ALX3: variants seen among roughly 807,000 people sequenced by gnomAD.
ALX3 encodes the protein homeobox protein aristaless-like 3.
Under a neutral mutation model 26.3 loss-of-function variants are expected in ALX3, and 17 were observed. That is an observed-to-expected ratio of 0.65 (90% confidence interval 0.44 to 0.97). The LOEUF is 0.97. Ranked by LOEUF, ALX3 falls within the 50% of genes least tolerant of loss-of-function variation. ALX3 has a pLI of 0.00. For synonymous variants in ALX3, 208 were observed against 201.4 expected (o/e 1.03, Z -0.28); for missense variants, 461 against 466.5 (o/e 0.99, Z 0.11).
rs894860537 is a variant in ALX3, at chr1:110,060,532, G to C, written c.*201C>G. The C allele has an allele frequency of 6.2e-6, 3 of 482,644 alleles. No homozygotes were observed. The Admixed American group carries it at 1.1e-4, about 18-fold the overall frequency. The allele number at this position is 482,644 out of a possible 1,614,324, so 29.9% of individuals were successfully genotyped here. A position where few individuals can be genotyped will look rare whatever the true frequency, so the allele number is the denominator to read the frequency against. ...GTTTGTGGTAGGAAGAGTCCTGGCT[G>C]CTTCGAAGCCCCTTCTCCTAGGCAG... is the stretch of plus-strand genomic sequence containing the variant. On this transcript the variant is annotated 3_prime_UTR_variant, in exon 4 of 4. Coordinates refer to ENST00000647563, the MANE Select transcript of ALX3 (RefSeq NM_006492.3).
chr1:110,070,282 A>G lies in ALX3; in HGVS notation c.277+54T>C, dbSNP rs990819763. The G allele has an allele frequency of 4.7e-6, 6 of 1,286,790 alleles. No individual in the cohort carries two copies. The African/African-American group carries it at 6.1e-5, about 13-fold the overall frequency. The allele number at this position is 1,286,790 out of a possible 1,614,324, so 79.7% of individuals were successfully genotyped here. The stretch of plus-strand genomic sequence containing the variant: ...CAGGAAGGCCCGGGTGGGCCCGGGT[A>G]AGGAAGAAGAAGAGAGGGTCGGGCT... On this transcript the variant is annotated intron_variant, in intron 1 of 3. Coordinates refer to ENST00000647563, the MANE Select transcript of ALX3 (RefSeq NM_006492.3).
chr1:110,062,899 C>A (rs1653689629), intron 2 of ALX3, among the ~76,000 whole-genome samples: 1 of 152,338 alleles, frequency 6.6e-6, no homozygotes, highest in Non-Finnish European at 1.5e-5. Context: ...GCCAGTGAAT[C>A]TGGCTATTGG....
At chr1:110,068,648 T>C (rs1397438808) in intron 1 of ALX3, among the ~76,000 whole-genome samples, 1 of 152,254 alleles carries the variant, frequency 6.6e-6, no homozygotes, top group East Asian at 1.9e-4. Context: ...CCCCCTTCTC[T>C]AGTTATCCGT....
Position 110,064,941 on chromosome 1 carries a change from A to AC in ALX3, c.278-39dup, listed in dbSNP as rs1054124231. 9 of 1,556,292 alleles carry AC rather than the reference A, an allele frequency of 5.8e-6. No homozygotes were observed. In the South Asian group the frequency reaches 1.1e-4, roughly 19 times the overall value. ...ACACAAAAGGGAGGATGGCAACTGA[A>AC]CCAGGGGCTTTTGTGGGTTGGAATG... On this transcript the variant is annotated intron_variant, in intron 1 of 3. Transcript: ENST00000647563.
intron 1 of ALX3, among the ~76,000 whole-genome samples, chr1:110,066,724 C>A (rs935305574): frequency 3.9e-5 from 6 of 152,076 alleles, no homozygotes; most frequent in African/African-American, 1.4e-4. Context: ...TAGCTCAGGG[C>A]TGAGGGTCAG....
chr1:110,064,758 A>G lies in ALX3; in HGVS notation c.423T>C (p.Pro141=). 1 of 1,614,208 alleles carries G rather than the reference A, an allele frequency of 6.2e-7. No individual in the cohort carries two copies. The highest frequency in any genetic ancestry group is 8.5e-7 in the Non-Finnish European group (1 of 1,180,032). Residue 141 remains proline (P), a synonymous_variant, in exon 2 of 4, where the codon CCT becomes CCC. Coordinates refer to ENST00000647563, the MANE Select transcript of ALX3 (RefSeq NM_006492.3). ...SLHLPLSPGL[P]DSMELAKNKS... Reference sequence around the variant, plus strand: ...TGTTCTTGGCCAACTCCATGGAGTCAGGGAGTCCCGGGGAAAGAGGAAGAT... The same window carrying G: ...TGTTCTTGGCCAACTCCATGGAGTCGGGGAGTCCCGGGGAAAGAGGAAGAT...
At chr1:110,064,014 A>T (rs937103155) in intron 2 of ALX3, among the ~76,000 whole-genome samples, 1 of 149,506 alleles carries the variant, frequency 6.7e-6, no homozygotes, top group Non-Finnish European at 1.5e-5. Flanking sequence ...GCTCCCAGCC[A>T]GCCTTTCCCA....
chr1:110,063,145 C>G (rs1164244929), intron 2 of ALX3, among the ~76,000 whole-genome samples: 5 of 152,196 alleles, frequency 3.3e-5, no homozygotes, highest in African/African-American at 9.6e-5. Flanking sequence ...CTCCTGCACC[C>G]TCTCAGGTTG....
intron 1 of ALX3, among the ~76,000 whole-genome samples, chr1:110,068,377 C>T (rs1653839046): frequency 6.6e-6 from 1 of 152,234 alleles, no homozygotes; most frequent in Admixed American, 6.5e-5. Flanking sequence ...CTCCACCGCG[C>T]GCCGCGCTGC....
In ALX3 at chr1:110,060,850, G is replaced by C; in HGVS notation, c.915C>G (p.Pro305=). 2.5e-6 allele frequency: 4 copies of C among 1,613,966 alleles called. No individual in the cohort carries two copies. Among genetic ancestry groups the C allele is most frequent in the Non-Finnish European group, 3.4e-6 (4 of 1,179,976 alleles). ...GCTCAAAGCTGTGGCCCCCCAGGGTGGGGGGAAAGCCATGGATGGAGTAGA... is the reference window on the plus strand; with the variant it reads ...GCTCAAAGCTGTGGCCCCCCAGGGTCGGGGGAAAGCCATGGATGGAGTAGA... ...PGIYSIHGFP[P]TLGGHSFEPS... Residue 305 remains proline (P), a synonymous_variant, in exon 4 of 4, where the codon CCC becomes CCG. Transcript: ENST00000647563.
Position 110,070,329 on chromosome 1 carries a change from G to A in ALX3, c.277+7C>T. The A allele has an allele frequency of 7.7e-7, 1 of 1,291,960 alleles. No homozygotes were observed. Among genetic ancestry groups the A allele is most frequent in the Non-Finnish European group, 9.8e-7 (1 of 1,019,122 alleles). 80.0% of individuals were successfully genotyped at this position (1,291,960 alleles called of 1,614,324 possible). A position where few individuals can be genotyped will look rare whatever the true frequency, so the allele number is the denominator to read the frequency against. Reference sequence around the variant, plus strand: ...GGCTGCGCGCTACGCCCCGCGCCGCGCGTTACCTTCCGCGGGGCCCTCGTA... The same window carrying A: ...GGCTGCGCGCTACGCCCCGCGCCGCACGTTACCTTCCGCGGGGCCCTCGTA... On this transcript the variant is annotated splice_region_variant and intron_variant, in intron 1 of 3. Coordinates refer to ENST00000647563, the MANE Select transcript of ALX3 (RefSeq NM_006492.3).
rs187310064 is a variant in ALX3, at chr1:110,068,641, C to T, written c.277+1695G>A. On this transcript the variant is annotated intron_variant, in intron 1 of 3. Transcript: ENST00000647563. ...GCTCCCTCCCTCTTTGTCCTTTCCCCCTTCTCTAGTTATCCGTTTCGTTCG... is the reference window on the plus strand; with the variant it reads ...GCTCCCTCCCTCTTTGTCCTTTCCCTCTTCTCTAGTTATCCGTTTCGTTCG... Among the ~76,000 whole-genome samples, 527 of 152,338 alleles carry T rather than the reference C, an allele frequency of 3.5e-3. 2 individuals carry two copies. Among genetic ancestry groups the T allele is most frequent in the Non-Finnish European group, 5.3e-3 (362 of 68,026 alleles).
intron 1 of ALX3, among the ~76,000 whole-genome samples, chr1:110,067,221 G>T (rs1477115574): frequency 1.3e-5 from 2 of 152,226 alleles, no homozygotes; most frequent in African/African-American, 2.4e-5. Flanking sequence ...GCCAGGAATA[G>T]CAGCCAGCAG....
Position 110,070,656 on chromosome 1 carries a change from C to T in ALX3, c.-44G>A. 1.7e-6 allele frequency: 2 copies of T among 1,191,176 alleles called. No individual in the cohort carries two copies. Among genetic ancestry groups the T allele is most frequent in the Non-Finnish European group, 1.0e-6 (1 of 963,308 alleles). The allele number at this position is 1,191,176 out of a possible 1,614,324, so 73.8% of individuals were successfully genotyped here. ...GGCCTCCGGGGCTCCGGGGCTCGCG[C>T]TGCCCGCGCCGCCTGTGAGCGCCCG... On this transcript the variant is annotated 5_prime_UTR_variant, in exon 1 of 4. Coordinates refer to ENST00000647563, the MANE Select transcript of ALX3 (RefSeq NM_006492.3).
chr1:110,063,292 T>C (rs1653697851), intron 2 of ALX3, among the ~76,000 whole-genome samples: 1 of 152,226 alleles, frequency 6.6e-6, no homozygotes, highest in Non-Finnish European at 1.5e-5. Context: ...TTATATCATC[T>C]GGGGTTGCCT....
At chr1:110,062,859 C>T (rs1024978868) in intron 2 of ALX3, among the ~76,000 whole-genome samples, 1 of 152,208 alleles carries the variant, frequency 6.6e-6, no homozygotes, top group East Asian at 1.9e-4. Context: ...TCTGCTCTCC[C>T]TCCCCTGACA....
Position 110,064,775 on chromosome 1 carries a change from G to A in ALX3, c.406C>T (p.Leu136Phe). ...GPCLASLHLP[L>F]SPGLPDSMEL... ...ATGGAGTCAGGGAGTCCCGGGGAAA[G>A]AGGAAGATGCAGGCTGGCCAGGCAG... The change falls in exon 2 of 4, where the codon CTT becomes TTT. Residue 136 changes from leucine to phenylalanine, a missense_variant. By Grantham distance (22) the Leu-to-Phe change is conservative. Transcript: ENST00000647563. The A allele has an allele frequency of 1.2e-6, 2 of 1,614,266 alleles. No individual in the cohort carries two copies. The highest frequency in any genetic ancestry group is 1.7e-6 in the Non-Finnish European group (2 of 1,180,052).
chr1:110,065,456 C>G (rs767451987), intron 1 of ALX3, among the ~76,000 whole-genome samples: 18 of 152,178 alleles, frequency 1.2e-4, no homozygotes, highest in Non-Finnish European at 2.2e-4. Flanking sequence ...AACCCCAGGT[C>G]TCAGGTCAAT....
chr1:110,061,957 C>T (rs1653659819), intron 2 of ALX3: 2 of 231,284 alleles, frequency 8.6e-6, no homozygotes, highest in Admixed American at 1.0e-4. Context: ...AGGCTACCCA[C>T]CTCATAGCAT....
Sources: allele counts gnomAD v4.1 joint callset (sites outside exome capture counted in the v4.1 genomes callset), GRCh38; gene constraint gnomAD v4.1.1; transcripts MANE v1.5; gene names NCBI Gene and HGNC (gene_info 2026-07-23, HGNC 2026-07-21).